Variants in CD163L1 observed in about 807,000 individuals in gnomAD.
CD163L1 encodes scavenger receptor cysteine-rich type 1 protein M160.
CD163L1 carries 124 observed loss-of-function variants against 165.4 expected under a neutral mutation model. The ratio of observed to expected loss-of-function variants is 0.75; its 90% CI spans 0.65 to 0.87. The LOEUF (loss-of-function observed/expected upper bound fraction) is 0.87. Among genes scored for constraint, CD163L1 ranks in the 40% least tolerant of loss-of-function variants. The pLI is 0.00. For synonymous variants in CD163L1, 585 were observed against 662.2 expected, an observed-to-expected ratio of 0.88 and a Z score of 1.79; for missense variants, 1,525 against 1,799.9, an observed-to-expected ratio of 0.85 and a Z score of 2.76.
intron 8 of CD163L1, among the ~76,000 whole-genome samples, chr12:7,380,688 T>C (rs1296779819): frequency 3.9e-5 from 6 of 152,090 alleles, no homozygotes; most frequent in African/African-American, 7.2e-5. Flanking sequence ...TGTATACTGC[T>C]TGGGTGATGA....
intron 4 of CD163L1, among the ~76,000 whole-genome samples, chr12:7,426,222 A>G: frequency 6.6e-6 from 1 of 152,170 alleles, no homozygotes. Flanking sequence ...GTTCTCACTC[A>G]TAAGTGGGAG....
Position 7,398,542 on chromosome 12 carries a change from G to A in CD163L1, c.1451C>T (p.Pro484Leu). The change falls in exon 7 of 20, where the codon CCC (proline) becomes CTC (leucine). Residue 484 changes from proline (P) to leucine (L), a missense_variant. Transcript: ENST00000313599. The surrounding 1 kb of genome is among the most constrained non-coding windows in gnomAD (Gnocchi z 4.5). Reference protein sequence around the residue: ...LDLRLVGAHSPCYGRLEVKYQ... With the variant: ...LDLRLVGAHSLCYGRLEVKYQ... ...TTTCACCTCCAATCTCCCATAACAG[G>A]GGCTATGAGCCCCGACAAGCCTTAG... 2 of 1,607,612 alleles carry A rather than the reference G, an allele frequency of 1.2e-6. No homozygotes were observed. The highest frequency in any genetic ancestry group is 1.7e-6 in the Non-Finnish European group (2 of 1,176,878).
intron 9 of CD163L1, 50 bp downstream of exon 9, chr12:7,378,928 T>C (rs1947325947): frequency 1.3e-6 from 2 of 1,521,960 alleles, no homozygotes; most frequent in Non-Finnish European, 1.8e-6. Context: ...ATTAAATAAG[T>C]GCAAAAATAA....
the CD163L1 span, chr12:7,324,706 T>C: frequency 2.5e-6 from 3 of 1,207,568 alleles, no homozygotes; most frequent in Middle Eastern, 2.1e-4. Context: ...ATTCTCGTTA[T>C]GAAGCATGCA....
chr12:7,352,769 T>C (rs980881147), downstream of CD163L1, among the ~76,000 whole-genome samples: 1 of 152,036 alleles, frequency 6.6e-6, no homozygotes, highest in Non-Finnish European at 1.5e-5. Context: ...TAAGAGTCCA[T>C]AGATGTAGTC....
rs1405852599 is a variant in CD163L1 at position 7,379,172 on chromosome 12, A to G, written c.2177T>C (p.Val726Ala). ...ANGWGMNIAE[V>A]VCRQLECGSA... Reference sequence around the variant, plus strand: ...CCCACATTCAAGTTGCCTGCAAACAACTTCAGCAATGTTCATTCCCCAGCC... The same window carrying G: ...CCCACATTCAAGTTGCCTGCAAACAGCTTCAGCAATGTTCATTCCCCAGCC... Residue 726 changes from valine to alanine, a missense_variant, in exon 9 of 20, where the codon GTT (valine) becomes GCT (alanine). By Grantham distance (64) the Val-to-Ala change is moderately conservative. Transcript: ENST00000313599. 2.5e-6 allele frequency: 4 copies of G among 1,614,052 alleles called. No individual in the cohort carries two copies. Among genetic ancestry groups the G allele is most frequent in the African/African-American group, 2.7e-5 (2 of 74,914 alleles).
intron 11 of CD163L1, among the ~76,000 whole-genome samples, 157 bp downstream of exon 11, chr12:7,375,124 G>A (rs906124066): frequency 6.6e-6 from 1 of 152,088 alleles, no homozygotes; most frequent in Admixed American, 6.6e-5. Flanking sequence ...AATGGTCCTA[G>A]TTATCATTAT....
downstream of CD163L1, among the ~76,000 whole-genome samples, chr12:7,343,611 A>C (rs1946650902): frequency 6.6e-6 from 1 of 152,226 alleles, no homozygotes; most frequent in Non-Finnish European, 1.5e-5. Context: ...CTTTTAAACA[A>C]CCAGATCTTG....
At chr12:7,344,924 G>A (rs773404266), downstream of CD163L1, among the ~76,000 whole-genome samples, 1 of 152,370 alleles carries the variant, frequency 6.6e-6, no homozygotes, top group African/African-American at 2.4e-5. Context: ...GCACAGGGCA[G>A]TAGGCCCTGG....
At position 7,379,384 on chromosome 12, in the gene CD163L1, A is replaced by G. The variant is rs1023252308; in HGVS notation, c.2051-86T>C. ...TATCCATTCCTGTACACTAACATAG[A>G]CCAGTGGCCAAAAGTTGAGAGATTG... is the stretch of plus-strand genomic sequence containing the variant. On this transcript the variant is annotated intron_variant, in intron 8 of 19. Coordinates refer to ENST00000313599, the MANE Select transcript of CD163L1 (RefSeq NM_174941.6). The G allele has an allele frequency of 2.7e-5, 36 of 1,339,822 alleles. No homozygotes were observed. In the East Asian group the frequency reaches 5.0e-4, roughly 19 times the overall value. The allele number at this position is 1,339,822 out of a possible 1,614,324, so 83.0% of individuals were successfully genotyped here.
At chr12:7,437,506 C>T (rs991037738) in intron 2 of CD163L1, among the ~76,000 whole-genome samples, 1 of 151,554 alleles carries the variant, frequency 6.6e-6, no homozygotes, top group African/African-American at 2.4e-5. Context: ...CCATGACAGG[C>T]CCTGATGTGT....
chr12:7,356,681 G>A (rs1946780239), intron 19 of CD163L1, among the ~76,000 whole-genome samples: 1 of 152,058 alleles, frequency 6.6e-6, no homozygotes, highest in South Asian at 2.1e-4. Context: ...TGACTTCATT[G>A]AGTTCAATTT....
chr12:7,361,887 T>C (rs1234188268), intron 18 of CD163L1, among the ~76,000 whole-genome samples: 2 of 151,988 alleles, frequency 1.3e-5, no homozygotes, highest in Non-Finnish European at 2.9e-5. Context: ...AATGAAACTC[T>C]ATACTAATTA....
Position 7,368,999 on chromosome 12 carries a change from G to A in CD163L1, c.4040-34C>T, listed in dbSNP as rs1388558887. 14 of 1,599,772 alleles carry A rather than the reference G, an allele frequency of 8.8e-6. No individual in the cohort carries two copies. Among genetic ancestry groups the A allele is most frequent in the Non-Finnish European group, 1.7e-6 (2 of 1,170,114 alleles). On this transcript the variant is annotated intron_variant, in intron 15 of 19. Coordinates refer to ENST00000313599, the MANE Select transcript of CD163L1 (RefSeq NM_174941.6). This position sits in a 1 kb window ranked among gnomAD's most constrained non-coding sequence, Gnocchi z 4.3. ...GAGAGAGAGAGAGAGAGACGTAAAT[G>A]AACGAAAAGGAACTGGGTATTTCTT...
chr12:7,324,662 T>C, the CD163L1 span: 4 of 1,539,660 alleles, frequency 2.6e-6, no homozygotes, highest in Non-Finnish European at 3.6e-6. Flanking sequence ...ATTTGACCAC[T>C]GTAAAGGCTG....
intron 4 of CD163L1, among the ~76,000 whole-genome samples, chr12:7,407,499 CAA>C (rs2136535273): frequency 6.6e-6 from 1 of 151,954 alleles, no homozygotes; most frequent in Non-Finnish European, 1.5e-5. Context: ...TGATTTAATT[CAA>C]AGTCTCAGCC....
chr12:7,398,154 TG>T lies in CD163L1; in HGVS notation c.1729+109del. ...AAGTCTAATTTAAAGACAAGAGTCATGGCCCCTCAATCAATTCCCACATGTA... is the reference window on the plus strand; with the variant it reads ...AAGTCTAATTTAAAGACAAGAGTCATGCCCCTCAATCAATTCCCACATGTA... On this transcript the variant is annotated intron_variant, in intron 7 of 19. Coordinates refer to ENST00000313599, the MANE Select transcript of CD163L1 (RefSeq NM_174941.6). The surrounding 1 kb of genome is among the most constrained non-coding windows in gnomAD (Gnocchi z 4.5). 1 of 894,180 alleles carries T rather than the reference TG, an allele frequency of 1.1e-6. No homozygotes were observed. Among genetic ancestry groups the T allele is most frequent in the Non-Finnish European group, 1.7e-6 (1 of 583,700 alleles). The allele number at this position is 894,180 out of a possible 1,614,324, so 55.4% of individuals were successfully genotyped here. A position where few individuals can be genotyped will look rare whatever the true frequency, so the allele number is the denominator to read the frequency against.
At chr12:7,323,282 A>C in the CD163L1 span, 1 of 1,611,548 alleles carries the variant, frequency 6.2e-7, no homozygotes, top group Non-Finnish European at 8.5e-7. Flanking sequence ...ACCAGGTTCA[A>C]TGGGGAAAGG....
chr12:7,412,578 G>A (rs1403844530), intron 4 of CD163L1, among the ~76,000 whole-genome samples: 2 of 151,832 alleles, frequency 1.3e-5, no homozygotes. Context: ...TTAAAGGAGA[G>A]GATAAATCAT....
Sources: allele counts gnomAD v4.1 joint callset (sites outside exome capture counted in the v4.1 genomes callset), GRCh38; gene constraint gnomAD v4.1.1; non-coding constraint Gnocchi (gnomAD v3.1); transcripts MANE v1.5; gene names NCBI Gene and HGNC (gene_info 2026-07-23, HGNC 2026-07-21).